GALNT13: variants seen among roughly 807,000 people sequenced by gnomAD.
The protein encoded by GALNT13 is UDP-GalNAc:polypeptide N-acetylgalactosaminyltransferase 13.
GALNT13 carries 28 observed loss-of-function variants against 64.2 expected under a neutral mutation model. That is an observed-to-expected ratio of 0.44 (90% CI 0.32 to 0.60). The LOEUF (loss-of-function observed/expected upper bound fraction) is 0.60. GALNT13 is among the 20% of genes least tolerant of loss of function. The pLI, the probability that GALNT13 is intolerant of heterozygous loss-of-function variation, is 0.05. For missense variants in GALNT13, 577 were observed against 669.8 expected, an observed-to-expected ratio of 0.86 and a Z score of 1.53; for synonymous variants, 214 against 224.6, an observed-to-expected ratio of 0.95 and a Z score of 0.42.
At chr2:154,349,385 A>C (rs1403214428) in intron 9 of GALNT13, among the ~76,000 whole-genome samples, 1 of 152,250 alleles carries the variant, frequency 6.6e-6, no homozygotes, top group Non-Finnish European at 1.5e-5. Context: ...CACTTTTTAA[A>C]TGAAAGAAAC....
the GALNT13 span, among the ~76,000 whole-genome samples, chr2:153,351,001 A>T: frequency 3.3e-5 from 5 of 152,264 alleles, no homozygotes; most frequent in African/African-American, 9.6e-5. Flanking sequence ...AGAAAAATAA[A>T]TATTTCTGAT....
At chr2:154,422,766 G>T (rs550223019) in intron 11 of GALNT13, among the ~76,000 whole-genome samples, 2 of 152,232 alleles carry the variant, frequency 1.3e-5, no homozygotes, top group African/African-American at 4.8e-5. Context: ...ACCATAGCCA[G>T]TGTCCAATTC....
chr2:153,077,195 A>AC, the GALNT13 span, among the ~76,000 whole-genome samples: 4 of 151,744 alleles, frequency 2.6e-5, no homozygotes, highest in Non-Finnish European at 5.9e-5. Flanking sequence ...CAGGTGATCC[A>AC]CCTACCTCAG....
chr2:153,895,811 A>T (rs1291586954), intron 1 of GALNT13, among the ~76,000 whole-genome samples: 1 of 151,972 alleles, frequency 6.6e-6, no homozygotes, highest in African/African-American at 2.4e-5. Flanking sequence ...AGATATATGC[A>T]CAAGGACCTT....
chr2:154,183,835 A>G (rs1686101823), intron 4 of GALNT13, among the ~76,000 whole-genome samples: 1 of 151,164 alleles, frequency 6.6e-6, no homozygotes, highest in South Asian at 2.1e-4. Context: ...TGCTATTATC[A>G]TTACTATCTT....
chr2:153,166,327 G>A, the GALNT13 span, among the ~76,000 whole-genome samples: 1 of 152,176 alleles, frequency 6.6e-6, no homozygotes, highest in East Asian at 1.9e-4. Flanking sequence ...CATCCTGGCA[G>A]TATTCTATGG....
At chr2:153,394,909 T>C in the GALNT13 span, among the ~76,000 whole-genome samples, 1 of 152,136 alleles carries the variant, frequency 6.6e-6, no homozygotes, top group African/African-American at 2.4e-5. Context: ...AATGAATATG[T>C]TGGCCATATG....
At chr2:153,443,531 A>G in the GALNT13 span, among the ~76,000 whole-genome samples, 403 of 152,298 alleles carry the variant, frequency 2.6e-3, 1 homozygote, top group Non-Finnish European at 4.3e-3. Flanking sequence ...GTCACTATCC[A>G]TTCATCTTTA....
At chr2:153,438,460 C>A in the GALNT13 span, among the ~76,000 whole-genome samples, 1 of 152,228 alleles carries the variant, frequency 6.6e-6, no homozygotes, top group Admixed American at 6.5e-5. Context: ...CTTTCAGGTA[C>A]ACCAATCAGA....
chr2:154,242,556 T>G, intron 5 of GALNT13, 142 bp from the exon 6 acceptor site: 1 of 613,464 alleles, frequency 1.6e-6, no homozygotes, highest in Non-Finnish European at 2.9e-6. Context: ...ATGAAATCTC[T>G]ATTATTTTAT....
At chr2:153,533,368 C>A in the GALNT13 span, among the ~76,000 whole-genome samples, 1 of 152,196 alleles carries the variant, frequency 6.6e-6, no homozygotes, top group East Asian at 1.9e-4. Context: ...TCTCCCACCT[C>A]AGCCTCACAA....
At chr2:153,111,011 C>G in the GALNT13 span, among the ~76,000 whole-genome samples, 1 of 152,068 alleles carries the variant, frequency 6.6e-6, no homozygotes, top group East Asian at 1.9e-4. Flanking sequence ...CTTTTTTCAT[C>G]TGCTCTATCT....
At chr2:154,386,068 T>G (rs77631447) in intron 9 of GALNT13, among the ~76,000 whole-genome samples, 1 of 152,028 alleles carries the variant, frequency 6.6e-6, no homozygotes, top group African/African-American at 2.4e-5. Flanking sequence ...TATTTTTTTT[T>G]GTACTGACTC....
intron 4 of GALNT13, among the ~76,000 whole-genome samples, chr2:154,182,875 A>G (rs1208919565): frequency 1.3e-5 from 2 of 151,964 alleles, no homozygotes; most frequent in Admixed American, 6.6e-5. Context: ...TCAGGGACAA[A>G]TCCCACTTGA....
rs530129091 is a variant in GALNT13, at chr2:153,876,898, G to T, written c.-177+4595G>T. Among the ~76,000 whole-genome samples, 3 of 152,138 alleles carry T rather than the reference G, an allele frequency of 2.0e-5. No homozygotes were observed. In the East Asian group the frequency reaches 5.8e-4, roughly 29 times the overall value. ...TGGGAGACATGCTTTTCCTTTAAGGGCTCAACTTCATTCAATGTCCACGTA... is the reference window on the plus strand; with the variant it reads ...TGGGAGACATGCTTTTCCTTTAAGGTCTCAACTTCATTCAATGTCCACGTA... On this transcript the variant is annotated intron_variant, in intron 1 of 12. Transcript: ENST00000392825.
chr2:153,216,915 G>A, the GALNT13 span, among the ~76,000 whole-genome samples: 1 of 151,722 alleles, frequency 6.6e-6, no homozygotes, highest in Non-Finnish European at 1.5e-5. Flanking sequence ...TTTTCTTATA[G>A]AAATCTTATA....
At chr2:153,332,589 G>C in the GALNT13 span, among the ~76,000 whole-genome samples, 1 of 150,218 alleles carries the variant, frequency 6.7e-6, no homozygotes, top group African/African-American at 2.5e-5. Context: ...GCAACAATTG[G>C]GAATGCTGAG....
chr2:153,205,383 G>A, the GALNT13 span, among the ~76,000 whole-genome samples: 3 of 152,020 alleles, frequency 2.0e-5, no homozygotes, highest in East Asian at 1.9e-4. Context: ...TGTCCTAAAA[G>A]AGCTGCTGAG....
At chr2:154,215,033 C>A (rs1276298779) in intron 4 of GALNT13, among the ~76,000 whole-genome samples, 6 of 152,070 alleles carry the variant, frequency 3.9e-5, no homozygotes, top group African/African-American at 1.4e-4. Flanking sequence ...TATATGTAAG[C>A]CAAAAGTTTC....
Sources: gnomAD v4.1 joint callset for allele counts (sites outside exome capture counted in the v4.1 genomes callset) on GRCh38, gnomAD v4.1.1 for gene constraint, MANE v1.5 for transcripts, NCBI Gene and HGNC (gene_info 2026-07-23, HGNC 2026-07-21) for gene names.